The following DSC3 variants were observed in gnomAD, a reference collection of about 807,000 sequenced individuals.
DSC3 encodes desmocollin 3, also known as desmocollin-3.
DSC3 carries 97 observed loss-of-function variants against 89.5 expected under a neutral mutation model. The observed-to-expected ratio is 1.08, with a 90% CI of 0.92 to 1.28. DSC3 has a LOEUF of 1.28. DSC3 is among the 50% of genes most tolerant of loss of function. The pLI, the probability that DSC3 is intolerant of heterozygous loss-of-function variation, is 0.00. For synonymous variants in DSC3, 436 were observed against 384.1 expected (o/e 1.14, Z -1.58); for missense variants, 1,199 against 1,085.3 (o/e 1.10, Z -1.47).
chr18:31,035,200 T>C (rs1226261308), intron 1 of DSC3, among the ~76,000 whole-genome samples: 1 of 152,092 alleles, frequency 6.6e-6, no homozygotes. Flanking sequence ...ACTGTAAATA[T>C]ATGTATATAC....
chr18:31,017,979 A>G, intron 9 of DSC3, 92 bp downstream of exon 9: 3 of 1,074,068 alleles, frequency 2.8e-6, no homozygotes, highest in Non-Finnish European at 4.1e-6. Flanking sequence ...TCCAACTTGT[A>G]GAGTCTATGG....
At chr18:31,014,412 G>A (rs1372989545) in intron 9 of DSC3, among the ~76,000 whole-genome samples, 1 of 152,020 alleles carries the variant, frequency 6.6e-6, no homozygotes, top group Non-Finnish European at 1.5e-5. Context: ...AAGCAGAGCT[G>A]AGTGGCTGAC....
chr18:31,002,439 G>A (rs183445424), intron 13 of DSC3, among the ~76,000 whole-genome samples: 26 of 152,240 alleles, frequency 1.7e-4, no homozygotes, highest in Non-Finnish European at 2.6e-4. Flanking sequence ...AGTGGCTCAC[G>A]CCTGTAATCC....
intron 14 of DSC3, among the ~76,000 whole-genome samples, chr18:30,998,697 T>G (rs1053687210): frequency 6.6e-6 from 1 of 152,076 alleles, no homozygotes; most frequent in African/African-American, 2.4e-5. Flanking sequence ...GAATAGCCAC[T>G]GAGATAACAG....
intron 4 of DSC3, 28 bp downstream of exon 4, chr18:31,029,481 A>T: frequency 5.6e-6 from 9 of 1,613,366 alleles, no homozygotes; most frequent in Non-Finnish European, 7.6e-6. Context: ...AATTAAAGCA[A>T]CCCTGACCAG....
chr18:31,033,117 T>C (rs1464921666), intron 1 of DSC3, among the ~76,000 whole-genome samples: 1 of 152,134 alleles, frequency 6.6e-6, no homozygotes, highest in African/African-American at 2.4e-5. Context: ...CAAATAAGTA[T>C]AATATTATAC....
chr18:31,021,495 C>T (rs1331183598), intron 7 of DSC3, among the ~76,000 whole-genome samples: 1 of 152,158 alleles, frequency 6.6e-6, no homozygotes, highest in East Asian at 1.9e-4. Flanking sequence ...CCATCTCTCC[C>T]TGTTTCTTTG....
intron 9 of DSC3, among the ~76,000 whole-genome samples, chr18:31,010,752 T>A (rs1985030212): frequency 6.6e-6 from 1 of 152,092 alleles, no homozygotes; most frequent in Non-Finnish European, 1.5e-5. Context: ...AATAATACTA[T>A]CCTCACTCAA....
intron 9 of DSC3, among the ~76,000 whole-genome samples, chr18:31,009,582 A>G (rs1984988559): frequency 6.6e-6 from 1 of 152,222 alleles, no homozygotes; most frequent in Admixed American, 6.5e-5. Flanking sequence ...ATTGTCTATA[A>G]TTTATCCAAT....
rs1259261920 is a variant in DSC3 at position 30,994,026 on chromosome 18, C to T, written c.*149G>A. ...ACTTTTTGGAAAAGATAAGCAACAA[C>T]TTGCTTTAAAAATATAAATTGGTGA... On this transcript the variant is annotated 3_prime_UTR_variant, in exon 16 of 16. Transcript: ENST00000360428. The T allele has an allele frequency of 1.3e-6, 1 of 785,548 alleles. No individual in the cohort carries two copies. The highest frequency in any genetic ancestry group is 1.8e-5 in the African/African-American group (1 of 56,814). 48.7% of individuals were successfully genotyped at this position (785,548 alleles called of 1,614,324 possible).
Position 31,031,062 on chromosome 18 carries a change from C to A in DSC3, c.265G>T (p.Asp89Tyr). The A allele has an allele frequency of 1.9e-6, 3 of 1,614,032 alleles. No homozygotes were observed. Among genetic ancestry groups the A allele is most frequent in the Non-Finnish European group, 2.5e-6 (3 of 1,179,970 alleles). ...CATATGGTAAATGATCTTTTCTTATCAGACAGCGCAACAGCCCTGGCTGTG... is the reference window on the plus strand; with the variant it reads ...CATATGGTAAATGATCTTTTCTTATAAGACAGCGCAACAGCCCTGGCTGTG... ...VYTARAVALS[D>Y]KKRSFTIWLS... The change falls in exon 3 of 16, where the codon GAT (aspartate) becomes TAT (tyrosine). Residue 89 changes from aspartate to tyrosine, a missense_variant. Physicochemically the swap from Asp to Tyr is radical, Grantham distance 160 (BLOSUM62 -3). Transcript: ENST00000360428.
chr18:31,036,300 T>G (rs78346132), intron 1 of DSC3, among the ~76,000 whole-genome samples: 1 of 152,206 alleles, frequency 6.6e-6, no homozygotes, highest in Non-Finnish European at 1.5e-5. Flanking sequence ...ATTTATTTGT[T>G]GTGAGATTGA....
intron 1 of DSC3, among the ~76,000 whole-genome samples, chr18:31,035,577 AGTT>A (rs2144737458): frequency 6.6e-6 from 1 of 152,138 alleles, no homozygotes; most frequent in African/African-American, 2.4e-5. Context: ...ATAACTCTGT[AGTT>A]GTTATTTTTG....
chr18:31,029,445 T>TA, intron 4 of DSC3, 64 bp downstream of exon 4: 1 of 1,591,810 alleles, frequency 6.3e-7, no homozygotes, highest in South Asian at 1.1e-5. Flanking sequence ...AAAGAGGTAT[T>TA]AAATCTCAAT....
intron 15 of DSC3, among the ~76,000 whole-genome samples, chr18:30,995,996 A>AAAAAAAAAAAGAAAG (rs1555631968): frequency 5.1e-5 from 7 of 136,410 alleles, no homozygotes; most frequent in African/African-American, 2.1e-4. Flanking sequence ...AAAAAAAAAA[A>AAAAAAAAAAAGAAAG]AAAGAAAAGA....
chr18:31,009,233 C>A (rs1984976104), intron 9 of DSC3, among the ~76,000 whole-genome samples: 1 of 144,382 alleles, frequency 6.9e-6, no homozygotes, highest in Admixed American at 6.9e-5. Context: ...GTATTTTTTT[C>A]TTTAGTAAAG....
chr18:31,032,332 A>G, intron 1 of DSC3, 56 bp from the exon 2 acceptor site: 1 of 1,322,254 alleles, frequency 7.6e-7, no homozygotes, highest in Admixed American at 1.7e-5. Context: ...AAAAAAACAT[A>G]ATCATATCAA....
Position 31,018,232 on chromosome 18 carries a change from C to T in DSC3, c.1102G>A (p.Ala368Thr). 1 of 1,611,264 alleles carries T rather than the reference C, an allele frequency of 6.2e-7. No homozygotes were observed. ...NAYEAFVEENAFNVEILRIPI... is the reference protein window; with the variant it reads ...NAYEAFVEENTFNVEILRIPI... ...ATTCGTAAGATTTCCACATTGAATG[C>T]ATTTTCCTCTACAAATGCTTCATAC... is the stretch of plus-strand genomic sequence containing the variant. The change falls in exon 9 of 16, where the codon GCA (alanine) becomes ACA (threonine). Residue 368 changes from alanine (A) to threonine (T), a missense_variant. Ala to Thr is a moderately conservative substitution (Grantham distance 58). Coordinates refer to ENST00000360428, the MANE Select transcript of DSC3 (RefSeq NM_001941.5).
chr18:31,033,855 G>A (rs175777), intron 1 of DSC3, among the ~76,000 whole-genome samples: 75,860 of 151,664 alleles, frequency 0.5, 19,357 homozygotes, highest in East Asian at 0.88. Context: ...ACAGAGTCTC[G>A]CTCTGTCGCC....
Sources: gnomAD v4.1 joint callset for allele counts (sites outside exome capture counted in the v4.1 genomes callset) on GRCh38, gnomAD v4.1.1 for gene constraint, MANE v1.5 for transcripts, NCBI Gene and HGNC (gene_info 2026-07-23, HGNC 2026-07-21) for gene names.